The following TGFBRAP1 variants were observed in gnomAD, a reference collection of about 807,000 sequenced individuals.
The protein encoded by TGFBRAP1 is transforming growth factor beta receptor associated protein 1.
In TGFBRAP1, 20 loss-of-function variants were observed where a neutral mutation model predicts 83.2. That is an observed-to-expected ratio of 0.24 (90% CI 0.17 to 0.35). TGFBRAP1 has a LOEUF of 0.35. Ranked by LOEUF, TGFBRAP1 falls within the 10% of genes least tolerant of loss-of-function variation. The pLI is 1.00. For missense variants in TGFBRAP1, 950 were observed against 1,099.4 expected, an observed-to-expected ratio of 0.86 and a Z score of 1.92; for synonymous variants, 415 against 459.8, an observed-to-expected ratio of 0.90 and a Z score of 1.25.
intron 5 of TGFBRAP1, among the ~76,000 whole-genome samples, chr2:105,281,844 C>T (rs968949896): frequency 6.6e-6 from 1 of 151,924 alleles, no homozygotes; most frequent in Non-Finnish European, 1.5e-5. Context: ...GAACATGTGG[C>T]AATGCCTGGA....
At chr2:105,294,962 AGG>A (rs1678034104) in intron 4 of TGFBRAP1, among the ~76,000 whole-genome samples, 1 of 151,888 alleles carries the variant, frequency 6.6e-6, no homozygotes, top group Non-Finnish European at 1.5e-5. Flanking sequence ...GGAGAGGAGA[AGG>A]GGCTGAGAGC....
At chr2:105,271,379 G>A (rs1040761905) in intron 10 of TGFBRAP1, among the ~76,000 whole-genome samples, 4 of 152,234 alleles carry the variant, frequency 2.6e-5, no homozygotes, top group Non-Finnish European at 5.9e-5. Flanking sequence ...AGTCAGGAGT[G>A]AGTAAAAATT....
At position 105,315,158 on chromosome 2, in the gene TGFBRAP1, G is replaced by C. The variant is rs963956073; in HGVS notation, c.-17-6840C>G. 4.0e-5 allele frequency among the ~76,000 whole-genome samples: 6 copies of C among 151,886 alleles called. No homozygotes were observed. In the South Asian group the frequency reaches 8.3e-4, roughly 21 times the overall value. ...AACTTACAATAGTAGAAAATATAAG[G>C]TATGAAAGAATTATCTAACAGATAT... On this transcript the variant is annotated intron_variant, in intron 1 of 11. Coordinates refer to ENST00000393359, the MANE Select transcript of TGFBRAP1 (RefSeq NM_004257.6).
At chr2:105,289,241 A>T (rs1273977573) in intron 4 of TGFBRAP1, among the ~76,000 whole-genome samples, 1 of 152,172 alleles carries the variant, frequency 6.6e-6, no homozygotes, top group Non-Finnish European at 1.5e-5. Flanking sequence ...GGAAGGATAT[A>T]CACAAAAAAT....
At chr2:105,324,361 T>G (rs966047601) in intron 1 of TGFBRAP1, 2 of 151,920 alleles carry the variant, frequency 1.3e-5, no homozygotes, top group Admixed American at 1.3e-4. Context: ...CACCTTAGAG[T>G]GATCAAGAAA....
chr2:105,328,851 T>C (rs1259141557), intron 1 of TGFBRAP1, among the ~76,000 whole-genome samples: 1 of 152,168 alleles, frequency 6.6e-6, no homozygotes, highest in East Asian at 1.9e-4. Context: ...CACTCAACAG[T>C]CCTTGGGTAG....
the TGFBRAP1 span, among the ~76,000 whole-genome samples, chr2:105,258,731 AC>A: frequency 3.9e-4 from 1 of 2,582 alleles, no homozygotes; most frequent in Non-Finnish European, 9.1e-4. Context: ...CCCCACCCCT[AC>A]ACACACACAC....
downstream of TGFBRAP1, among the ~76,000 whole-genome samples, chr2:105,260,033 G>T (rs573682002): frequency 6.6e-6 from 1 of 152,296 alleles, no homozygotes; most frequent in African/African-American, 2.4e-5. Context: ...TAAAATACAT[G>T]CAAAGAGTCT....
intron 1 of TGFBRAP1, among the ~76,000 whole-genome samples, chr2:105,316,504 G>C (rs1158946286): frequency 1.4e-5 from 2 of 146,846 alleles, no homozygotes; most frequent in Admixed American, 6.8e-5. Flanking sequence ...TCAAAAAGCA[G>C]ATTCTAAAAT....
intron 7 of TGFBRAP1, among the ~76,000 whole-genome samples, chr2:105,275,906 A>AT (rs1405097857): frequency 6.6e-6 from 1 of 152,140 alleles, no homozygotes; most frequent in Admixed American, 6.5e-5. Flanking sequence ...AGTCCAAGAA[A>AT]TAAAAAAAAA....
rs778004102 is a variant in TGFBRAP1, at chr2:105,269,407, C to G, written c.2271G>C (p.Leu757=). 167 of 1,613,872 alleles carry G rather than the reference C, an allele frequency of 1.0e-4. No individual in the cohort carries two copies. Among genetic ancestry groups the G allele is most frequent in the Non-Finnish European group, 1.3e-4 (158 of 1,180,024 alleles). ...GGAGCTGCACTGACCAGGTGTCAGG[C>G]AGCATCTGCAGCACCTGGGCTGCAT... is the stretch of plus-strand genomic sequence containing the variant. ...EFDAAQVLQM[L]PDTWSVQLLC... is the part of the protein sequence containing the mutation. The change falls in exon 11 of 12, where the codon CTG becomes CTC. Residue 757 remains leucine, a synonymous_variant. Coordinates refer to ENST00000393359, the MANE Select transcript of TGFBRAP1 (RefSeq NM_004257.6). The surrounding 1 kb of genome is among the most constrained non-coding windows in gnomAD (Gnocchi z 4.1).
At chr2:105,324,917 A>G (rs539050270) in intron 1 of TGFBRAP1, 1 of 152,320 alleles carries the variant, frequency 6.6e-6, no homozygotes, top group African/African-American at 2.4e-5. Context: ...CATTCCCGAC[A>G]TTAATCTGGG....
At chr2:105,268,009 C>T (rs1201497661) in intron 11 of TGFBRAP1, 1 of 516,408 alleles carries the variant, frequency 1.9e-6, no homozygotes, top group Non-Finnish European at 2.5e-6. Context: ...TAACAAGTGG[C>T]ATATTCCTGG....
At chr2:105,259,884 C>G (rs1465200604), downstream of TGFBRAP1, among the ~76,000 whole-genome samples, 1 of 152,158 alleles carries the variant, frequency 6.6e-6, no homozygotes, top group Non-Finnish European at 1.5e-5. Context: ...TTAGACCATT[C>G]ATGAGCTCTG....
At chr2:105,250,564 C>T in the TGFBRAP1 span, among the ~76,000 whole-genome samples, 1 of 145,576 alleles carries the variant, frequency 6.9e-6, no homozygotes, top group Non-Finnish European at 1.5e-5. Context: ...ATTGGAAAGG[C>T]TCCTCCTCTC....
Position 105,268,777 on chromosome 2 carries a change from A to G in TGFBRAP1, c.2406+495T>C, listed in dbSNP as rs183537429. Among the ~76,000 whole-genome samples the G allele has an allele frequency of 3.3e-4, 51 of 152,348 alleles. No individual in the cohort carries two copies. The East Asian group carries it at 8.3e-3, about 25-fold the overall frequency. On this transcript the variant is annotated intron_variant, in intron 11 of 11. Transcript: ENST00000393359. ...AAAGAAGTCTCCCGAAGGTGAGTAC[A>G]GTGTGGGGACGAAGAATGTGGGGTT...
At chr2:105,280,027 G>A (rs1336137462) in intron 6 of TGFBRAP1, among the ~76,000 whole-genome samples, 1 of 149,664 alleles carries the variant, frequency 6.7e-6, no homozygotes, top group Non-Finnish European at 1.5e-5. Flanking sequence ...GACAGAGCGA[G>A]ACTCCGTCTC....
At chr2:105,316,259 C>T (rs575591563) in intron 1 of TGFBRAP1, among the ~76,000 whole-genome samples, 5 of 150,626 alleles carry the variant, frequency 3.3e-5, no homozygotes, top group Non-Finnish European at 7.4e-5. Context: ...ATTAGCTATG[C>T]AAGTGTATGG....
intron 1 of TGFBRAP1, among the ~76,000 whole-genome samples, chr2:105,315,065 T>C (rs1678812544): frequency 6.6e-6 from 1 of 152,114 alleles, no homozygotes; most frequent in Non-Finnish European, 1.5e-5. Context: ...TTAATGACTT[T>C]ATAGTTTAAT....
Sources: allele counts gnomAD v4.1 joint callset (sites outside exome capture counted in the v4.1 genomes callset), GRCh38; gene constraint gnomAD v4.1.1; non-coding constraint Gnocchi (gnomAD v3.1); transcripts MANE v1.5; gene names NCBI Gene and HGNC (gene_info 2026-07-23, HGNC 2026-07-21).